The following HECW1 variants were observed in gnomAD, a reference collection of about 807,000 sequenced individuals.
HECW1 encodes HECT, C2 and WW domain containing E3 ubiquitin protein ligase 1, also known as E3 ubiquitin-protein ligase HECW1.
A neutral mutation model predicts 182.3 loss-of-function variants in HECW1; 61 were observed. The ratio of observed to expected loss-of-function variants is 0.33; its 90% CI spans 0.27 to 0.41. The LOEUF (loss-of-function observed/expected upper bound fraction) is 0.41. Among genes scored for constraint, HECW1 ranks in the 10% least tolerant of loss-of-function variants. The probability of loss-of-function intolerance (pLI) is 1.00; values close to 1 mark genes in which losing one functional copy is unlikely to be tolerated. For missense variants in HECW1, 1,739 were observed against 2,108.9 expected, an observed-to-expected ratio of 0.82 and a Z score of 3.44; for synonymous variants, 859 against 832.6, an observed-to-expected ratio of 1.03 and a Z score of -0.55.
chr7:43,297,511 T>G (rs909689063), intron 3 of HECW1, among the ~76,000 whole-genome samples: 1 of 152,142 alleles, frequency 6.6e-6, no homozygotes, highest in Non-Finnish European at 1.5e-5. Context: ...AGAAGAGTGG[T>G]TCAGGCACAC....
At chr7:43,559,164 C>T (rs184975216) in intron 29 of HECW1, among the ~76,000 whole-genome samples, 30 of 152,154 alleles carry the variant, frequency 2.0e-4, no homozygotes, top group East Asian at 9.7e-4. Context: ...ATAGAGGAGA[C>T]GGGGAGATCA....
chr7:43,471,202 A>G (rs565113771), intron 16 of HECW1, among the ~76,000 whole-genome samples: 32 of 152,346 alleles, frequency 2.1e-4, no homozygotes, highest in African/African-American at 7.5e-4. Flanking sequence ...GCCAAAGCCC[A>G]TTGATAAGGG....
intron 2 of HECW1, among the ~76,000 whole-genome samples, chr7:43,159,957 G>A (rs1480771047): frequency 6.6e-6 from 1 of 152,150 alleles, no homozygotes; most frequent in Non-Finnish European, 1.5e-5. Context: ...GCGATTACAG[G>A]CGTGAGCCAC....
chr7:43,361,181 A>G (rs568260765), intron 6 of HECW1, among the ~76,000 whole-genome samples: 1 of 152,310 alleles, frequency 6.6e-6, no homozygotes, highest in East Asian at 1.9e-4. Context: ...AATGAGATCC[A>G]TAGTCGACCT....
At chr7:43,144,911 A>G (rs1172966068) in intron 2 of HECW1, among the ~76,000 whole-genome samples, 4 of 152,214 alleles carry the variant, frequency 2.6e-5, no homozygotes, top group South Asian at 4.1e-4. Context: ...TCAACCTTTT[A>G]CATTCTATTT....
intron 5 of HECW1, among the ~76,000 whole-genome samples, chr7:43,345,851 CA>C (rs35481808): frequency 0.21 from 31,906 of 150,760 alleles, 3,680 homozygotes; most frequent in Non-Finnish European, 0.26. Flanking sequence ...ACACACACAT[CA>C]TATATATATA....
At chr7:43,416,177 TTGA>T (rs1261464588) in intron 8 of HECW1, among the ~76,000 whole-genome samples, 1 of 150,220 alleles carries the variant, frequency 6.7e-6, no homozygotes, top group East Asian at 2.0e-4. Flanking sequence ...CTTTTGGTCT[TTGA>T]TGATGGTGAT....
chr7:43,376,594 G>T (rs1280222220), intron 6 of HECW1, among the ~76,000 whole-genome samples: 1 of 152,316 alleles, frequency 6.6e-6, no homozygotes, highest in African/African-American at 2.4e-5. Flanking sequence ...GCTCGGCACA[G>T]TGGCTTACAC....
chr7:43,385,563 A>G (rs2074761463), intron 6 of HECW1, among the ~76,000 whole-genome samples: 1 of 151,526 alleles, frequency 6.6e-6, no homozygotes, highest in African/African-American at 2.4e-5. Context: ...GCCGTCCCTC[A>G]GAGAGCTGGG....
intron 2 of HECW1, among the ~76,000 whole-genome samples, chr7:43,157,787 C>T (rs1247566283): frequency 1.3e-5 from 2 of 152,174 alleles, no homozygotes; most frequent in Non-Finnish European, 2.9e-5. Context: ...TCTTAATCTC[C>T]TGAGCTCAAG....
At chr7:43,275,701 T>C (rs1057198242) in intron 3 of HECW1, among the ~76,000 whole-genome samples, 8 of 148,832 alleles carry the variant, frequency 5.4e-5, no homozygotes, top group African/African-American at 1.5e-4. Flanking sequence ...TCTGTTCTTA[T>C]GCGCACGCAC....
intron 16 of HECW1, among the ~76,000 whole-genome samples, chr7:43,469,836 A>AC (rs1257250006): frequency 1.3e-5 from 2 of 152,222 alleles, no homozygotes; most frequent in Non-Finnish European, 2.9e-5. Context: ...GGTCCAAGGA[A>AC]CCAGAAGCTT....
chr7:43,278,389 C>T (rs181175649), intron 3 of HECW1, among the ~76,000 whole-genome samples: 1 of 152,234 alleles, frequency 6.6e-6, no homozygotes, highest in East Asian at 1.9e-4. Context: ...TCGGCACATC[C>T]GCAGCTCCCA....
intron 6 of HECW1, among the ~76,000 whole-genome samples, chr7:43,367,439 C>T (rs891047432): frequency 6.6e-6 from 1 of 152,180 alleles, no homozygotes; most frequent in Non-Finnish European, 1.5e-5. Flanking sequence ...GGAAGCAAGA[C>T]GTCTGAAGAA....
intron 21 of HECW1, among the ~76,000 whole-genome samples, 167 bp downstream of exon 21, chr7:43,501,489 G>A (rs2079357456): frequency 6.6e-6 from 1 of 151,920 alleles, no homozygotes; most frequent in African/African-American, 2.4e-5. Context: ...CCTGTTTTTT[G>A]TAATGCCCCC....
At chr7:43,470,364 C>T (rs913575852) in intron 16 of HECW1, among the ~76,000 whole-genome samples, 2 of 152,192 alleles carry the variant, frequency 1.3e-5, no homozygotes, top group African/African-American at 4.8e-5. Flanking sequence ...GTTCATCATG[C>T]AAACAGCACA....
intron 19 of HECW1, among the ~76,000 whole-genome samples, chr7:43,499,188 A>G (rs2079235200): frequency 6.6e-6 from 1 of 152,162 alleles, no homozygotes; most frequent in South Asian, 2.1e-4. Flanking sequence ...GGACTGAGGC[A>G]GGAGGATCAC....
intron 2 of HECW1, among the ~76,000 whole-genome samples, chr7:43,194,781 C>T (rs1307658161): frequency 6.6e-6 from 1 of 151,906 alleles, no homozygotes; most frequent in Admixed American, 6.6e-5. Flanking sequence ...GCACCCTCTG[C>T]CTCCTGGGTT....
intron 22 of HECW1, among the ~76,000 whole-genome samples, chr7:43,507,583 C>T (rs571802941): frequency 6.6e-6 from 1 of 152,270 alleles, no homozygotes; most frequent in South Asian, 2.1e-4. Flanking sequence ...TCTCATATTT[C>T]CCTTCACTTA....
Sources: gnomAD v4.1 joint callset for allele counts (sites outside exome capture counted in the v4.1 genomes callset) on GRCh38, gnomAD v4.1.1 for gene constraint, MANE v1.5 for transcripts, NCBI Gene and HGNC (gene_info 2026-07-23, HGNC 2026-07-21) for gene names.